PRR16: variants seen among roughly 807,000 people sequenced by gnomAD.
PRR16 encodes proline rich 16.
In PRR16, 6 loss-of-function variants were observed where a neutral mutation model predicts 18.2. The ratio of observed to expected loss-of-function variants is 0.33; its 90% CI spans 0.18 to 0.65. The LOEUF (loss-of-function observed/expected upper bound fraction) is 0.65. PRR16 is among the 30% of genes least tolerant of loss of function. The pLI, the probability that PRR16 is intolerant of heterozygous loss-of-function variation, is 0.74. For missense variants in PRR16, 412 were observed against 376.6 expected (o/e 1.09, Z -0.78); for synonymous variants, 151 against 147.8 (o/e 1.02, Z -0.16).
At chr5:120,585,382 G>A (rs1422986850) in intron 1 of PRR16, among the ~76,000 whole-genome samples, 3 of 152,034 alleles carry the variant, frequency 2.0e-5, no homozygotes, top group African/African-American at 7.2e-5. Context: ...GGCTGAGATG[G>A]GCAGGTCACT....
the PRR16 span, among the ~76,000 whole-genome samples, chr5:120,742,958 C>T: frequency 6.6e-6 from 1 of 152,210 alleles, no homozygotes; most frequent in Non-Finnish European, 1.5e-5. Context: ...GCTTGCTTTT[C>T]CCTTCATCTG....
At chr5:120,589,865 C>T (rs956834235) in intron 1 of PRR16, among the ~76,000 whole-genome samples, 1 of 151,972 alleles carries the variant, frequency 6.6e-6, no homozygotes, top group Non-Finnish European at 1.5e-5. Flanking sequence ...AGGCATTAGT[C>T]CTTTGACCAA....
the PRR16 span, among the ~76,000 whole-genome samples, chr5:120,730,787 G>A: frequency 6.6e-6 from 1 of 152,140 alleles, no homozygotes; most frequent in Non-Finnish European, 1.5e-5. Flanking sequence ...TCAAAATTAT[G>A]CTTCATGCAT....
chr5:120,565,884 A>C (rs1220512709), intron 1 of PRR16, among the ~76,000 whole-genome samples: 2 of 152,198 alleles, frequency 1.3e-5, no homozygotes, highest in East Asian at 3.9e-4. Context: ...AGTATTTGAC[A>C]CCTGAATTTA....
At chr5:120,736,799 C>A in the PRR16 span, among the ~76,000 whole-genome samples, 1 of 151,858 alleles carries the variant, frequency 6.6e-6, no homozygotes, top group African/African-American at 2.4e-5. Context: ...GTGCATAAGT[C>A]TTTTGTCTCA....
At chr5:120,703,740 TGA>T in the PRR16 span, among the ~76,000 whole-genome samples, 1 of 150,360 alleles carries the variant, frequency 6.7e-6, no homozygotes, top group Non-Finnish European at 1.5e-5. Context: ...GTTCTCTGTG[TGA>T]GAGTTTTCTT....
chr5:120,684,825 C>T (rs1462314614), intron 1 of PRR16, among the ~76,000 whole-genome samples: 1 of 152,204 alleles, frequency 6.6e-6, no homozygotes, highest in African/African-American at 2.4e-5. Context: ...GTCTAAGATA[C>T]TTCCATTCAA....
chr5:120,574,431 C>G (rs1462800356), intron 1 of PRR16, among the ~76,000 whole-genome samples: 2 of 151,998 alleles, frequency 1.3e-5, no homozygotes, highest in African/African-American at 4.8e-5. Flanking sequence ...TAGCAAAACC[C>G]TGTCTCTGCT....
the PRR16 span, among the ~76,000 whole-genome samples, chr5:120,696,220 T>A: frequency 6.6e-6 from 1 of 151,988 alleles, no homozygotes; most frequent in Non-Finnish European, 1.5e-5. Flanking sequence ...CCAGCCTGAG[T>A]GACAGAGTGA....
rs77440384 is a variant in PRR16, at chr5:120,607,719, T to C, written c.160-78235T>C. Among the ~76,000 whole-genome samples, 433 of 152,328 alleles carry C rather than the reference T, an allele frequency of 2.8e-3. 1 individual carries two copies. Among genetic ancestry groups the C allele is most frequent in the African/African-American group, 9.9e-3 (412 of 41,574 alleles). On this transcript the variant is annotated intron_variant, in intron 1 of 1. Coordinates refer to ENST00000407149, the MANE Select transcript of PRR16 (RefSeq NM_001300783.2). The stretch of plus-strand genomic sequence containing the variant: ...TTACTAACTTGAAAAAAAAATCTTA[T>C]CATTAGGGTTGTTTGTGGTGGTGGT...
intron 1 of PRR16, among the ~76,000 whole-genome samples, chr5:120,486,964 T>G (rs1476443154): frequency 6.6e-6 from 1 of 152,166 alleles, no homozygotes; most frequent in African/African-American, 2.4e-5. Flanking sequence ...TGTAGATATG[T>G]GGCATTATTT....
intron 1 of PRR16, among the ~76,000 whole-genome samples, chr5:120,660,451 A>G (rs957044713): frequency 6.6e-6 from 1 of 152,138 alleles, no homozygotes; most frequent in African/African-American, 2.4e-5. Flanking sequence ...AAACTTTTCC[A>G]TGGTAAGGCA....
At chr5:120,669,233 C>G (rs1441538977) in intron 1 of PRR16, among the ~76,000 whole-genome samples, 1 of 152,038 alleles carries the variant, frequency 6.6e-6, no homozygotes, top group Non-Finnish European at 1.5e-5. Context: ...GTTTGAATAT[C>G]TGTAAATTTC....
chr5:120,614,732 T>C (rs78530514), intron 1 of PRR16, among the ~76,000 whole-genome samples: 8,940 of 152,296 alleles, frequency 0.059, 341 homozygotes, highest in South Asian at 0.085. Context: ...CCACTGTGCA[T>C]AGCCAGACAA....
At chr5:120,513,915 T>A (rs1178462450) in intron 1 of PRR16, among the ~76,000 whole-genome samples, 1 of 151,858 alleles carries the variant, frequency 6.6e-6, no homozygotes, top group African/African-American at 2.4e-5. Context: ...CCCACCACCA[T>A]GCCCGGCTAA....
intron 1 of PRR16, among the ~76,000 whole-genome samples, chr5:120,660,023 A>G (rs867408536): frequency 2.6e-5 from 4 of 152,156 alleles, no homozygotes; most frequent in Admixed American, 2.0e-4. Flanking sequence ...ACTCTTCCTC[A>G]TGGCTTAGAT....
rs142153343 is a variant in PRR16, at chr5:120,496,065, G to A, written c.159+31420G>A. On this transcript the variant is annotated intron_variant, in intron 1 of 1. Coordinates refer to ENST00000407149, the MANE Select transcript of PRR16 (RefSeq NM_001300783.2). ...CACAAATATTTTCACCAATTGATAC[G>A]ATTATGTGATTTTTCTTCTTTAGCT... 4.4e-3 allele frequency among the ~76,000 whole-genome samples: 672 copies of A among 151,920 alleles called. 8 individuals carry two copies. The highest frequency in any genetic ancestry group is 0.016 in the African/African-American group (651 of 41,494).
At chr5:120,616,063 C>A (rs1232479223) in intron 1 of PRR16, among the ~76,000 whole-genome samples, 1 of 152,172 alleles carries the variant, frequency 6.6e-6, no homozygotes, top group East Asian at 1.9e-4. Flanking sequence ...CCACCCCAAA[C>A]TGACTCTTTT....
At chr5:120,670,065 T>C (rs542361519) in intron 1 of PRR16, among the ~76,000 whole-genome samples, 31 of 152,290 alleles carry the variant, frequency 2.0e-4, no homozygotes, top group African/African-American at 7.2e-4. Flanking sequence ...GTAGGTGATG[T>C]AGGCAAATTT....
Sources: allele counts gnomAD v4.1 joint callset (sites outside exome capture counted in the v4.1 genomes callset), GRCh38; gene constraint gnomAD v4.1.1; transcripts MANE v1.5; gene names NCBI Gene and HGNC (gene_info 2026-07-23, HGNC 2026-07-21).